The following TET2 variants were observed in gnomAD, a reference collection of about 807,000 sequenced individuals.
The protein encoded by TET2 is methylcytosine dioxygenase TET2.
TET2 carries 299 observed loss-of-function variants against 142.9 expected under a neutral mutation model. The observed-to-expected ratio is 2.09, with a 90% CI of 1.90 to 2.30. The LOEUF (loss-of-function observed/expected upper bound fraction) is 2.30, where lower values mean the gene tolerates loss of function less well. TET2 is among the 30% of genes most tolerant of loss of function. The probability of loss-of-function intolerance (pLI) is 0.00; values close to 1 mark genes in which losing one functional copy is unlikely to be tolerated. For missense variants in TET2, 2,418 were observed against 2,378.0 expected, an observed-to-expected ratio of 1.02 and a Z score of -0.35; for synonymous variants, 819 against 849.0, an observed-to-expected ratio of 0.96 and a Z score of 0.61.
chr4:105,271,082 TTC>T (rs1730930877), intron 9 of TET2, among the ~76,000 whole-genome samples: 1 of 152,200 alleles, frequency 6.6e-6, no homozygotes, highest in African/African-American at 2.4e-5. Flanking sequence ...CACATAGGAT[TTC>T]TGTCACATTG....
At chr4:105,218,548 C>T (rs1304934009) in intron 2 of TET2, among the ~76,000 whole-genome samples, 3 of 151,998 alleles carry the variant, frequency 2.0e-5, no homozygotes, top group African/African-American at 7.2e-5. Flanking sequence ...TTTATCATTG[C>T]CAGTTTTAGA....
At position 105,233,854 on chromosome 4, in the gene TET2, A is replaced by ATAGG. The variant is rs759027462; in HGVS notation, c.-46-40_-46-39insGTAG. On this transcript the variant is annotated intron_variant, in intron 2 of 10. Transcript: ENST00000380013. ...TTTTTATAGATAGATAGATAGATAG[A>ATAGG]TAGAAATAAACACATTTTAATTTTT... 27 of 1,011,406 alleles carry ATAGG rather than the reference A, an allele frequency of 2.7e-5. No homozygotes were observed. In the African/African-American group the frequency reaches 4.2e-4, roughly 16 times the overall value. 62.7% of individuals were successfully genotyped at this position (1,011,406 alleles called of 1,614,324 possible).
chr4:105,253,042 A>T (rs369192047), intron 6 of TET2, among the ~76,000 whole-genome samples: 1 of 152,110 alleles, frequency 6.6e-6, no homozygotes, highest in African/African-American at 2.4e-5. Flanking sequence ...TAGGCTTTAG[A>T]GTAAGTCTTG....
intron 2 of TET2, among the ~76,000 whole-genome samples, chr4:105,224,273 G>A (rs7700148): frequency 0.098 from 14,970 of 152,068 alleles, 2,128 homozygotes; most frequent in African/African-American, 0.31. Context: ...TGAGTAATCC[G>A]AAGAGTCAAA....
intron 2 of TET2, among the ~76,000 whole-genome samples, chr4:105,219,980 A>G (rs1474567254): frequency 2.6e-5 from 4 of 152,152 alleles, no homozygotes; most frequent in Non-Finnish European, 5.9e-5. Context: ...TCATTAGAAT[A>G]TCAGGTCCAA....
At chr4:105,167,353 G>T (rs576613810) in intron 1 of TET2, among the ~76,000 whole-genome samples, 10 of 151,650 alleles carry the variant, frequency 6.6e-5, no homozygotes, top group Non-Finnish European at 1.3e-4. Flanking sequence ...CTAAACTTAA[G>T]AAAAGTGCGT....
Position 105,235,482 on chromosome 4 carries a change from C to T in TET2, c.1540C>T (p.His514Tyr), listed in dbSNP as rs746523679. The change falls in exon 3 of 11, where the codon CAT (histidine) becomes TAT (tyrosine). Residue 514 changes from histidine (H) to tyrosine (Y), a missense_variant. His to Tyr is a moderately conservative substitution (Grantham distance 83). Coordinates refer to ENST00000380013, the MANE Select transcript of TET2 (RefSeq NM_001127208.3). ...KTRPMSEHLK[H>Y]NPPIFGSSGE... Reference sequence around the variant, plus strand: ...AAGACCAATGTCAGAACACCTCAAGCATAACCCACCAATTTTTGGTAGCAG... The same window carrying T: ...AAGACCAATGTCAGAACACCTCAAGTATAACCCACCAATTTTTGGTAGCAG... The T allele has an allele frequency of 1.2e-6, 2 of 1,614,058 alleles. No homozygotes were observed. The highest frequency in any genetic ancestry group is 2.7e-5 in the African/African-American group (2 of 74,918).
At chr4:105,231,963 G>A (rs1164567110) in intron 2 of TET2, among the ~76,000 whole-genome samples, 1 of 152,162 alleles carries the variant, frequency 6.6e-6, no homozygotes, top group Non-Finnish European at 1.5e-5. Flanking sequence ...TTGGTGTACA[G>A]ACTATTTTGT....
intron 1 of TET2, among the ~76,000 whole-genome samples, chr4:105,170,266 C>T (rs1418768927): frequency 1.3e-5 from 2 of 152,118 alleles, no homozygotes; most frequent in African/African-American, 4.8e-5. Flanking sequence ...CATGTATTGT[C>T]AGCATACCAA....
chr4:105,237,716 AAAT>A (rs1560548857), intron 3 of TET2: 1 of 1,274,106 alleles, frequency 7.8e-7, no homozygotes, highest in Non-Finnish European at 1.0e-6. Context: ...TAAAATGAGA[AAAT>A]AACGACCATA....
At chr4:105,176,738 C>T (rs1483635531) in intron 1 of TET2, among the ~76,000 whole-genome samples, 6 of 152,070 alleles carry the variant, frequency 3.9e-5, no homozygotes, top group South Asian at 2.1e-4. Flanking sequence ...AAACACAGCA[C>T]GATATTTTAT....
At position 105,235,414 on chromosome 4, in the gene TET2, A is replaced by G; in HGVS notation, c.1472A>G (p.Gln491Arg). The G allele has an allele frequency of 1.2e-6, 2 of 1,614,226 alleles. No individual in the cohort carries two copies. The highest frequency in any genetic ancestry group is 1.7e-6 in the Non-Finnish European group (2 of 1,180,024). The change falls in exon 3 of 11, where the codon CAG becomes CGG. Residue 491 changes from glutamine (Q) to arginine (R), a missense_variant. By Grantham distance (43) the Gln-to-Arg change is conservative. Transcript: ENST00000380013. The stretch of plus-strand genomic sequence containing the variant: ...AATTGTGTGAACAGGAATGACATAC[A>G]GACTGCAGGGACAATGACTGTTCCA... ...QNNCVNRNDI[Q>R]TAGTMTVPLC...
chr4:105,168,875 A>G (rs1724302473), intron 1 of TET2, among the ~76,000 whole-genome samples: 1 of 152,172 alleles, frequency 6.6e-6, no homozygotes, highest in Non-Finnish European at 1.5e-5. Flanking sequence ...ACTTAGAATA[A>G]TAGTCTCCAG....
Position 105,146,994 on chromosome 4 carries a change from C to T in TET2, c.-193+15C>T, listed in dbSNP as rs1372889597. 6.6e-6 allele frequency: 1 copy of T among 152,302 alleles called. No individual in the cohort carries two copies. Among genetic ancestry groups the T allele is most frequent in the Non-Finnish European group, 1.5e-5 (1 of 68,098 alleles). The allele number at this position is 152,302 out of a possible 1,614,324, so 9.4% of individuals were successfully genotyped here. On this transcript the variant is annotated intron_variant, in intron 1 of 10. Transcript: ENST00000380013. ...ACGAGAACGAGGTCAGAGCGCTTCT[C>T]TTATGCCGCGAAACTCTCCCTTTCT...
rs756732347 is a variant in TET2, at chr4:105,275,599, G to A, written c.5089G>A (p.Gly1697Arg). Residue 1697 changes from glycine to arginine, a missense_variant, in exon 11 of 11, where the codon GGA becomes AGA. Physicochemically the swap from Gly to Arg is moderately radical, Grantham distance 125 (BLOSUM62 -2). Transcript: ENST00000380013. ...TTTTACATCTAAATACTTAGGTTAT[G>A]GAAACCAAAATATGCAGGGAGATGG... Reference protein sequence around the residue: ...QSFTSKYLGYGNQNMQGDGFS... With the variant: ...QSFTSKYLGYRNQNMQGDGFS... 84 of 1,551,560 alleles carry A rather than the reference G, an allele frequency of 5.4e-5. 1 individual carries two copies. Among genetic ancestry groups the A allele is most frequent in the East Asian group, 7.3e-5 (3 of 40,926 alleles).
intron 6 of TET2, among the ~76,000 whole-genome samples, chr4:105,244,674 C>T (rs969263165): frequency 1.0e-4 from 15 of 146,032 alleles, no homozygotes; most frequent in South Asian, 2.2e-4. Context: ...TGGTTCACCG[C>T]GACCTCCACC....
At chr4:105,232,611 C>T (rs914130646) in intron 2 of TET2, among the ~76,000 whole-genome samples, 19 of 152,144 alleles carry the variant, frequency 1.2e-4, no homozygotes, top group Non-Finnish European at 2.9e-5. Context: ...ATTAAGAAGG[C>T]ATTCTAGGCA....
intron 2 of TET2, among the ~76,000 whole-genome samples, chr4:105,229,775 T>C (rs972793980): frequency 6.6e-6 from 1 of 151,170 alleles, no homozygotes; most frequent in African/African-American, 2.4e-5. Context: ...CCAGAGATGA[T>C]TTTTTTTTAT....
At chr4:105,244,752 C>T (rs1225469537) in intron 6 of TET2, among the ~76,000 whole-genome samples, 1 of 152,004 alleles carries the variant, frequency 6.6e-6, no homozygotes, top group Non-Finnish European at 1.5e-5. Context: ...TGTGCCACCA[C>T]ACCCGGCTAA....
Sources: gnomAD v4.1 joint callset for allele counts (sites outside exome capture counted in the v4.1 genomes callset) on GRCh38, gnomAD v4.1.1 for gene constraint, MANE v1.5 for transcripts, NCBI Gene and HGNC (gene_info 2026-07-23, HGNC 2026-07-21) for gene names.